TRIM33: variants seen among roughly 807,000 people sequenced by gnomAD.
TRIM33 encodes the protein E3 ubiquitin-protein ligase TRIM33.
TRIM33 carries 20 observed loss-of-function variants against 125.4 expected under a neutral mutation model. That is an observed-to-expected ratio of 0.16 (90% CI 0.11 to 0.23). The LOEUF (loss-of-function observed/expected upper bound fraction) is 0.23. Among genes scored for constraint, TRIM33 ranks in the 10% least tolerant of loss-of-function variants. The probability of loss-of-function intolerance (pLI) is 1.00; values close to 1 mark genes in which losing one functional copy is unlikely to be tolerated. For synonymous variants in TRIM33, 564 were observed against 513.9 expected (o/e 1.10, Z -1.32); for missense variants, 920 against 1,411.4 (o/e 0.65, Z 5.58).
At chr1:114,408,768 T>A (rs71662879) in intron 12 of TRIM33, 28 bp from the exon 13 acceptor site, 255,166 of 1,429,766 alleles carry the variant, frequency 0.18, 23,956 homozygotes, top group Non-Finnish European at 0.19. Flanking sequence ...AAAATGAATA[T>A]CAATGCATAT....
chr1:114,508,347 T>A (rs1653128223), intron 1 of TRIM33, among the ~76,000 whole-genome samples: 2 of 152,186 alleles, frequency 1.3e-5, no homozygotes, highest in African/African-American at 2.4e-5. Context: ...CTCAGCCACA[T>A]CAGTCAAACA....
At chr1:114,438,111 A>G (rs546332915) in intron 4 of TRIM33, among the ~76,000 whole-genome samples, 1 of 152,292 alleles carries the variant, frequency 6.6e-6, no homozygotes, top group South Asian at 2.1e-4. Flanking sequence ...CACTTAGCTA[A>G]TAACTTCAAA....
At chr1:114,424,886 C>T (rs1013157707) in intron 9 of TRIM33, 131 bp from the exon 10 acceptor site, 13 of 643,272 alleles carry the variant, frequency 2.0e-5, no homozygotes, top group Middle Eastern at 9.4e-4. Context: ...TAATTCTTAT[C>T]GCTAGCCCCA....
chr1:114,414,027 G>GCACACACACACACACACACACA (rs3077592), intron 11 of TRIM33, among the ~76,000 whole-genome samples: 31 of 130,680 alleles, frequency 2.4e-4, no homozygotes, highest in Non-Finnish European at 3.2e-4. Flanking sequence ...TAAATCACAG[G>GCACACACACACACACACACACA]CACACACACA....
chr1:114,495,195 G>A (rs898315781), intron 1 of TRIM33, among the ~76,000 whole-genome samples: 1 of 152,248 alleles, frequency 6.6e-6, no homozygotes, highest in African/African-American at 2.4e-5. Flanking sequence ...GATTACAGGT[G>A]TGAGCCCCCA....
At chr1:114,440,134 A>G (rs906097661) in intron 4 of TRIM33, among the ~76,000 whole-genome samples, 3 of 152,276 alleles carry the variant, frequency 2.0e-5, no homozygotes, top group Non-Finnish European at 2.9e-5. Context: ...CTGAATGACA[A>G]TAACAATGAT....
chr1:114,398,707 G>A (rs1223993752), intron 18 of TRIM33, among the ~76,000 whole-genome samples: 1 of 151,698 alleles, frequency 6.6e-6, no homozygotes, highest in Admixed American at 6.6e-5. Context: ...AATTACACCA[G>A]CAATAAAGAG....
intron 1 of TRIM33, among the ~76,000 whole-genome samples, chr1:114,479,656 T>G (rs565865775): frequency 6.6e-6 from 1 of 152,334 alleles, no homozygotes; most frequent in South Asian, 2.1e-4. Flanking sequence ...AACCAGACTA[T>G]ATAAATGTAA....
intron 4 of TRIM33, among the ~76,000 whole-genome samples, chr1:114,461,745 A>G (rs1407436882): frequency 6.6e-6 from 1 of 152,142 alleles, no homozygotes; most frequent in Non-Finnish European, 1.5e-5. Flanking sequence ...TTAAAAAGCT[A>G]TAAGAAATCT....
At chr1:114,468,501 G>A (rs1324117997) in intron 1 of TRIM33, 3 of 386,574 alleles carry the variant, frequency 7.8e-6, no homozygotes, top group Non-Finnish European at 1.5e-5. Context: ...GAACAGTAGG[G>A]AAAAAGGTGC....
At chr1:114,471,793 G>C (rs1490598131) in intron 1 of TRIM33, among the ~76,000 whole-genome samples, 2 of 152,118 alleles carry the variant, frequency 1.3e-5, no homozygotes, top group Admixed American at 6.5e-5. Context: ...AATTTATGCA[G>C]GATAGTAGCC....
intron 10 of TRIM33, among the ~76,000 whole-genome samples, chr1:114,422,991 T>C (rs1404133102): frequency 6.6e-6 from 1 of 152,018 alleles, no homozygotes; most frequent in Admixed American, 6.6e-5. Context: ...AAACTAGTAA[T>C]AAAAACCAAT....
rs564469619 is a variant in TRIM33 at position 114,491,263 on chromosome 1, T to C, written c.526+19288A>G. 2.6e-5 allele frequency among the ~76,000 whole-genome samples: 4 copies of C among 152,326 alleles called. No homozygotes were observed. The East Asian group carries it at 5.8e-4, about 22-fold the overall frequency. ...ACTATGTACTTTTCAGAGAAAGATC[T>C]TGAGGTGTTGCCATTTATATAAAAG... On this transcript the variant is annotated intron_variant, in intron 1 of 19. Transcript: ENST00000358465.
In TRIM33 at chr1:114,408,594, T is replaced by C. The variant is rs1459825452; in HGVS notation, c.2258+83A>G. The C allele has an allele frequency of 1.5e-5, 13 of 856,820 alleles. No homozygotes were observed. The East Asian group carries it at 3.0e-4, about 20-fold the overall frequency. 53.1% of individuals were successfully genotyped at this position (856,820 alleles called of 1,614,324 possible). A position where few individuals can be genotyped will look rare whatever the true frequency, so the allele number is the denominator to read the frequency against. Reference sequence around the variant, plus strand: ...AAGCTGAGTGTTAAGTATAAAGGGGTTCACTGTAATATTCTACTTTTATTA... The same window carrying C: ...AAGCTGAGTGTTAAGTATAAAGGGGCTCACTGTAATATTCTACTTTTATTA... On this transcript the variant is annotated intron_variant, in intron 13 of 19. Transcript: ENST00000358465.
chr1:114,472,290 A>G (rs925002911), intron 1 of TRIM33, among the ~76,000 whole-genome samples: 14 of 152,254 alleles, frequency 9.2e-5, no homozygotes, highest in African/African-American at 3.4e-4. Context: ...TTTAAAAATG[A>G]CCAGTTCCCC....
chr1:114,482,050 A>G (rs1266861878), intron 1 of TRIM33, among the ~76,000 whole-genome samples: 1 of 152,148 alleles, frequency 6.6e-6, no homozygotes, highest in Non-Finnish European at 1.5e-5. Flanking sequence ...CCATTAGTCC[A>G]ACAAAACTTT....
At chr1:114,493,890 G>A (rs566286596) in intron 1 of TRIM33, among the ~76,000 whole-genome samples, 120 of 152,162 alleles carry the variant, frequency 7.9e-4, no homozygotes, top group African/African-American at 2.7e-3. Flanking sequence ...GCAGTGGCAC[G>A]ATCTCGGCTC....
chr1:114,457,181 A>G (rs1201210168), intron 4 of TRIM33, among the ~76,000 whole-genome samples: 1 of 152,176 alleles, frequency 6.6e-6, no homozygotes, highest in Non-Finnish European at 1.5e-5. Flanking sequence ...TGAACTGCAG[A>G]AAGTAGTCTC....
chr1:114,402,893 G>A lies in TRIM33; in HGVS notation c.2769-10C>T, dbSNP rs767737740. 1.9e-6 allele frequency: 3 copies of A among 1,606,918 alleles called. 1 individual carries two copies. Among genetic ancestry groups the A allele is most frequent in the Admixed American group, 3.4e-5 (2 of 58,402 alleles). The stretch of plus-strand genomic sequence containing the variant: ...GCATATCCAGTCCCCACTAGACAGG[G>A]AAATAGGCAATTAGTCCACGTAATT... On this transcript the variant is annotated splice_polypyrimidine_tract_variant and intron_variant, in intron 15 of 19. Coordinates refer to ENST00000358465, the MANE Select transcript of TRIM33 (RefSeq NM_015906.4).
Sources: allele counts gnomAD v4.1 joint callset (sites outside exome capture counted in the v4.1 genomes callset), GRCh38; gene constraint gnomAD v4.1.1; transcripts MANE v1.5; gene names NCBI Gene and HGNC (gene_info 2026-07-23, HGNC 2026-07-21).